FGF12: variants seen among roughly 807,000 people sequenced by gnomAD.
The protein encoded by FGF12 is fibroblast growth factor 12, also known as fibroblast growth factor 12B.
FGF12 carries 14 observed loss-of-function variants against 23.6 expected under a neutral mutation model. That is an observed-to-expected ratio of 0.59 (90% CI 0.39 to 0.93). The LOEUF (loss-of-function observed/expected upper bound fraction) is 0.93. FGF12 is among the 40% of genes least tolerant of loss of function. The probability of loss-of-function intolerance (pLI) is 0.00; values close to 1 mark genes in which losing one functional copy is unlikely to be tolerated. For missense variants in FGF12, 175 were observed against 217.8 expected (o/e 0.80, Z 1.24); for synonymous variants, 62 against 77.3 (o/e 0.80, Z 1.04).
intron 5 of FGF12, among the ~76,000 whole-genome samples, chr3:192,168,609 A>C (rs745410245): frequency 6.6e-6 from 1 of 152,230 alleles, no homozygotes; most frequent in Non-Finnish European, 1.5e-5. Flanking sequence ...ACCTCTAAGA[A>C]TATCATAAAG....
At chr3:192,391,978 C>A (rs958443366) in intron 2 of FGF12, among the ~76,000 whole-genome samples, 1 of 152,166 alleles carries the variant, frequency 6.6e-6, no homozygotes, top group Admixed American at 6.5e-5. Flanking sequence ...CCTTGCTACT[C>A]AATGTGTGGT....
Position 192,360,432 on chromosome 3 carries a change from G to C in FGF12, c.120C>G (p.Asp40Glu). The C allele has an allele frequency of 2.5e-6, 4 of 1,600,594 alleles. No homozygotes were observed. The highest frequency in any genetic ancestry group is 2.6e-6 in the Non-Finnish European group (3 of 1,167,688). ...TIDGTKDENSDYTLFNLIPVG... is the reference protein window; with the variant it reads ...TIDGTKDENSEYTLFNLIPVG... ...TAAGAAGCTAATGTTTCTTACTGTAGTCGCTGTTTTCGTCCTTGGTCCCAT... is the reference window on the plus strand; with the variant it reads ...TAAGAAGCTAATGTTTCTTACTGTACTCGCTGTTTTCGTCCTTGGTCCCAT... The change falls in exon 3 of 6, where the codon GAC becomes GAG. Residue 40 changes from aspartate to glutamate, a missense_variant. By Grantham distance (45) the Asp-to-Glu change is conservative. Coordinates refer to ENST00000445105, the MANE Select transcript of FGF12 (RefSeq NM_004113.6). This position sits in a 1 kb window ranked among gnomAD's most constrained non-coding sequence, Gnocchi z 4.3.
chr3:192,556,622 G>T (rs978140092), intron 2 of FGF12, among the ~76,000 whole-genome samples: 4 of 152,050 alleles, frequency 2.6e-5, no homozygotes, highest in African/African-American at 9.7e-5. Context: ...ATACAGAGAA[G>T]AAACCAATAA....
chr3:192,452,070 C>T lies in FGF12; in HGVS notation c.14-91532G>A, dbSNP rs545305368. 5.9e-4 allele frequency among the ~76,000 whole-genome samples: 90 copies of T among 152,150 alleles called. No homozygotes were observed. The Middle Eastern group carries it at 0.01, about 17-fold the overall frequency. ...AAGTAATGAAAATGGATATCTTTGC[C>T]GTATTCCCAATTATAGCAGAAAAGC... On this transcript the variant is annotated intron_variant, in intron 2 of 5. Transcript: ENST00000445105.
intron 2 of FGF12, among the ~76,000 whole-genome samples, chr3:192,470,763 TC>T (rs776447403): frequency 3.9e-5 from 6 of 152,148 alleles, no homozygotes; most frequent in Non-Finnish European, 5.9e-5. Context: ...GGGCTTTTTC[TC>T]CCACAAGGGA....
intron 4 of FGF12, among the ~76,000 whole-genome samples, chr3:192,257,234 C>T (rs1330864250): frequency 6.6e-6 from 1 of 152,050 alleles, no homozygotes; most frequent in African/African-American, 2.4e-5. Flanking sequence ...GTATCAAAAG[C>T]CCTGTCAGAG....
intron 4 of FGF12, among the ~76,000 whole-genome samples, chr3:192,287,824 T>G (rs563232834): frequency 9.2e-5 from 14 of 152,140 alleles, no homozygotes; most frequent in African/African-American, 3.4e-4. Flanking sequence ...AAGGGATACA[T>G]TATCTTATTT....
At chr3:192,679,135 G>C (rs77751233) in intron 2 of FGF12, among the ~76,000 whole-genome samples, 8,659 of 152,282 alleles carry the variant, frequency 0.057, 346 homozygotes, top group Middle Eastern at 0.11. Context: ...CCTTGGTGGA[G>C]TAAGGGTATG....
chr3:192,412,934 A>T (rs1721240342), intron 2 of FGF12, among the ~76,000 whole-genome samples: 1 of 152,200 alleles, frequency 6.6e-6, no homozygotes, highest in Non-Finnish European at 1.5e-5. Context: ...GCTTTCTTTG[A>T]ACAACTTAAG....
At chr3:192,660,601 A>G (rs1351890536) in intron 2 of FGF12, among the ~76,000 whole-genome samples, 1 of 152,092 alleles carries the variant, frequency 6.6e-6, no homozygotes, top group Non-Finnish European at 1.5e-5. Context: ...TGACCATTGT[A>G]TACTCTGTTT....
intron 4 of FGF12, among the ~76,000 whole-genome samples, chr3:192,214,950 G>A (rs975176100): frequency 3.9e-5 from 6 of 152,248 alleles, no homozygotes. Context: ...GCTGCTGGGA[G>A]AACTGCTGGA....
intron 4 of FGF12, among the ~76,000 whole-genome samples, chr3:192,182,957 G>A (rs1716260914): frequency 6.6e-6 from 1 of 152,182 alleles, no homozygotes; most frequent in African/African-American, 2.4e-5. Flanking sequence ...GAATTTGTTT[G>A]TGTTACTTGT....
At chr3:192,364,810 T>C (rs572405807) in intron 2 of FGF12, among the ~76,000 whole-genome samples, 4 of 152,180 alleles carry the variant, frequency 2.6e-5, no homozygotes, top group Non-Finnish European at 5.9e-5. Context: ...TAATGGGCTT[T>C]GGACTTCCTT....
Position 192,672,275 on chromosome 3 carries a change from G to C in FGF12, c.13+54906C>G, listed in dbSNP as rs1380754525. Among the ~76,000 whole-genome samples the C allele has an allele frequency of 1.3e-5, 2 of 151,036 alleles. 1 individual carries two copies. The highest frequency in any genetic ancestry group is 3.0e-5 in the Non-Finnish European group (2 of 67,474). ...ACCAAATGCTTTGAGGGCAACTCTGGATTTTTATAAGTATTTAAAAATAAG... is the reference window on the plus strand; with the variant it reads ...ACCAAATGCTTTGAGGGCAACTCTGCATTTTTATAAGTATTTAAAAATAAG... On this transcript the variant is annotated intron_variant, in intron 2 of 5. Coordinates refer to ENST00000445105, the MANE Select transcript of FGF12 (RefSeq NM_004113.6).
At chr3:192,346,626 G>A (rs957055268) in intron 3 of FGF12, among the ~76,000 whole-genome samples, 5 of 152,128 alleles carry the variant, frequency 3.3e-5, no homozygotes, top group African/African-American at 2.4e-5. Flanking sequence ...TAACTAGAAC[G>A]CAGTTGGCCT....
chr3:192,725,549 A>G (rs1719184758), intron 2 of FGF12, among the ~76,000 whole-genome samples: 1 of 152,192 alleles, frequency 6.6e-6, no homozygotes, highest in Non-Finnish European at 1.5e-5. Flanking sequence ...GCTAAGTGAC[A>G]CGTAGCATGT....
At chr3:192,652,814 G>C (rs1464899708) in intron 2 of FGF12, among the ~76,000 whole-genome samples, 1 of 152,168 alleles carries the variant, frequency 6.6e-6, no homozygotes, top group Admixed American at 6.6e-5. Flanking sequence ...TTCTAACCCA[G>C]AATTACCAAC....
At chr3:192,592,252 A>G (rs1417285088) in intron 2 of FGF12, among the ~76,000 whole-genome samples, 1 of 151,640 alleles carries the variant, frequency 6.6e-6, no homozygotes, top group Non-Finnish European at 1.5e-5. Context: ...GTTGGGATAA[A>G]CCCTCCTTTT....
At position 192,679,031 on chromosome 3, in the gene FGF12, G is replaced by A. The variant is rs185296416; in HGVS notation, c.13+48150C>T. On this transcript the variant is annotated intron_variant, in intron 2 of 5. Coordinates refer to ENST00000445105, the MANE Select transcript of FGF12 (RefSeq NM_004113.6). ...GGTGAGGTTAACAGTGCAGATTTGG[G>A]GGCCACACTTTTGAGAATCTCCGCT... Among the ~76,000 whole-genome samples, 128 of 152,200 alleles carry A rather than the reference G, an allele frequency of 8.4e-4. 1 individual carries two copies. Among genetic ancestry groups the A allele is most frequent in the South Asian group, 4.6e-3 (22 of 4,818 alleles).
Sources: allele counts gnomAD v4.1 joint callset (sites outside exome capture counted in the v4.1 genomes callset), GRCh38; gene constraint gnomAD v4.1.1; non-coding constraint Gnocchi (gnomAD v3.1); transcripts MANE v1.5; gene names NCBI Gene and HGNC (gene_info 2026-07-23, HGNC 2026-07-21).